SUGCT: variants seen among roughly 807,000 people sequenced by gnomAD.
The protein encoded by SUGCT is succinyl-CoA:glutarate-CoA transferase.
Under a neutral mutation model 55.0 loss-of-function variants are expected in SUGCT, and 41 were observed. The observed-to-expected ratio is 0.74, with a 90% CI of 0.58 to 0.97. The LOEUF (loss-of-function observed/expected upper bound fraction) is 0.97. Ranked by LOEUF, SUGCT falls within the 50% of genes least tolerant of loss-of-function variation. The pLI is 0.00. For missense variants in SUGCT, 568 were observed against 547.8 expected (o/e 1.04, Z -0.37); for synonymous variants, 187 against 200.4 (o/e 0.93, Z 0.56).
At chr7:40,381,726 A>G in intron 9 of SUGCT, among the ~76,000 whole-genome samples, 1 of 152,018 alleles carries the variant, frequency 6.6e-6, no homozygotes, top group East Asian at 1.9e-4. Context: ...TCCTTATCTC[A>G]TTGTACCAGA....
intron 11 of SUGCT, among the ~76,000 whole-genome samples, chr7:40,476,804 CT>C (rs59726430): frequency 1.5e-3 from 216 of 144,100 alleles, no homozygotes; most frequent in East Asian, 4.9e-3. Context: ...AGTTCTCATT[CT>C]TTTTTTTTTT....
chr7:40,597,729 C>T (rs1798086400), intron 12 of SUGCT, among the ~76,000 whole-genome samples: 1 of 152,108 alleles, frequency 6.6e-6, no homozygotes, highest in South Asian at 2.1e-4. Flanking sequence ...TCTTTGTCAG[C>T]CTGGGTTCCT....
At chr7:40,950,080 A>G in the SUGCT span, among the ~76,000 whole-genome samples, 1 of 152,172 alleles carries the variant, frequency 6.6e-6, no homozygotes, top group Non-Finnish European at 1.5e-5. Flanking sequence ...GATTCTTCCT[A>G]TCCGTGAGCA....
chr7:40,539,945 T>C (rs996198224), intron 12 of SUGCT, among the ~76,000 whole-genome samples: 2 of 152,208 alleles, frequency 1.3e-5, no homozygotes, highest in Non-Finnish European at 2.9e-5. Flanking sequence ...ATTTTTATAG[T>C]ATATCTGGGG....
chr7:40,376,506 C>T (rs1784552540), intron 9 of SUGCT, among the ~76,000 whole-genome samples: 1 of 152,002 alleles, frequency 6.6e-6, no homozygotes. Flanking sequence ...ATTCTCCTGC[C>T]TCAGCCTCCT....
At chr7:41,025,315 T>C in the SUGCT span, among the ~76,000 whole-genome samples, 1 of 152,232 alleles carries the variant, frequency 6.6e-6, no homozygotes, top group Non-Finnish European at 1.5e-5. Flanking sequence ...GTCTGTATAT[T>C]ATTTTCAGTA....
intron 12 of SUGCT, among the ~76,000 whole-genome samples, chr7:40,719,761 AG>A (rs757002928): frequency 6.6e-6 from 1 of 152,130 alleles, no homozygotes; most frequent in Non-Finnish European, 1.5e-5. Flanking sequence ...CGGAGAGCTT[AG>A]GTGAGACGTC....
intron 1 of SUGCT, among the ~76,000 whole-genome samples, chr7:40,167,314 A>G (rs962767499): frequency 1.3e-5 from 2 of 152,244 alleles, no homozygotes; most frequent in African/African-American, 4.8e-5. Flanking sequence ...AAATTAAATT[A>G]TAGTGACAGA....
chr7:40,244,899 TG>T (rs1298730225), intron 7 of SUGCT, among the ~76,000 whole-genome samples: 1 of 152,136 alleles, frequency 6.6e-6, no homozygotes, highest in Non-Finnish European at 1.5e-5. Context: ...TCTTTTTCCT[TG>T]AGTGTCTAAC....
Position 40,249,013 on chromosome 7 carries a change from G to A in SUGCT, c.576+11287G>A, listed in dbSNP as rs146725539. Reference sequence around the variant, plus strand: ...GGTTAAAATACATGTTCCCTGGGCTGGATGTGGTGGCTTATGCCTGCAATC... The same window carrying A: ...GGTTAAAATACATGTTCCCTGGGCTAGATGTGGTGGCTTATGCCTGCAATC... On this transcript the variant is annotated intron_variant, in intron 7 of 13. Coordinates refer to ENST00000335693, the MANE Select transcript of SUGCT (RefSeq NM_001193313.2). Among the ~76,000 whole-genome samples the A allele has an allele frequency of 6.1e-3, 926 of 151,954 alleles. 10 individuals carry two copies. Among genetic ancestry groups the A allele is most frequent in the African/African-American group, 0.021 (875 of 41,434 alleles).
chr7:40,338,887 T>G (rs573274941), intron 9 of SUGCT, among the ~76,000 whole-genome samples: 147 of 152,296 alleles, frequency 9.7e-4, no homozygotes, highest in Non-Finnish European at 1.9e-3. Flanking sequence ...TTTATCTACC[T>G]TTGGTCTTTG....
At chr7:40,512,882 T>C (rs1447722196) in intron 12 of SUGCT, among the ~76,000 whole-genome samples, 1 of 152,040 alleles carries the variant, frequency 6.6e-6, no homozygotes, top group African/African-American at 2.4e-5. Flanking sequence ...CTGTATGCCA[T>C]GTTGGGGAGT....
chr7:40,814,998 T>C (rs1245045003), intron 13 of SUGCT, among the ~76,000 whole-genome samples: 1 of 152,214 alleles, frequency 6.6e-6, no homozygotes, highest in Non-Finnish European at 1.5e-5. Flanking sequence ...AGGTTTTATA[T>C]TGGGCTCTGC....
chr7:40,417,837 A>C (rs143143531), intron 9 of SUGCT, among the ~76,000 whole-genome samples: 4,337 of 151,728 alleles, frequency 0.029, 104 homozygotes, highest in Non-Finnish European at 0.044. Flanking sequence ...TGACTGTTTT[A>C]TTTGTTAATT....
chr7:40,545,602 A>G (rs954397167), intron 12 of SUGCT, among the ~76,000 whole-genome samples: 2 of 152,226 alleles, frequency 1.3e-5, no homozygotes, highest in Non-Finnish European at 1.5e-5. Context: ...CATTGTAAAA[A>G]GAAACCAAGA....
At chr7:40,527,918 G>GT (rs1380434634) in intron 12 of SUGCT, among the ~76,000 whole-genome samples, 2 of 152,058 alleles carry the variant, frequency 1.3e-5, no homozygotes, top group African/African-American at 2.4e-5. Context: ...TTTATGCCTA[G>GT]TTTTTTTCTT....
intron 9 of SUGCT, among the ~76,000 whole-genome samples, chr7:40,345,771 A>G (rs937265213): frequency 1.2e-4 from 18 of 152,060 alleles, no homozygotes; most frequent in Admixed American, 6.5e-4. Context: ...AAATTATATC[A>G]CTAGGTTTTC....
chr7:40,335,360 T>C (rs1325690700), intron 9 of SUGCT, among the ~76,000 whole-genome samples: 4 of 151,894 alleles, frequency 2.6e-5, no homozygotes, highest in African/African-American at 9.7e-5. Context: ...TTTCACGATA[T>C]TGATTCTTCC....
At chr7:40,375,847 C>T (rs1381902990) in intron 9 of SUGCT, among the ~76,000 whole-genome samples, 1 of 152,124 alleles carries the variant, frequency 6.6e-6, no homozygotes, top group Non-Finnish European at 1.5e-5. Context: ...AGTTTGAATT[C>T]AGAGTCTAGT....
Sources: gnomAD v4.1 joint callset for allele counts (sites outside exome capture counted in the v4.1 genomes callset) on GRCh38, gnomAD v4.1.1 for gene constraint, MANE v1.5 for transcripts, NCBI Gene and HGNC (gene_info 2026-07-23, HGNC 2026-07-21) for gene names.